The following GRIK1 variants were observed in gnomAD, a reference collection of about 807,000 sequenced individuals.
GRIK1 encodes glutamate ionotropic receptor kainate type subunit 1, also known as glutamate receptor ionotropic, kainate 1.
A neutral mutation model predicts 105.7 loss-of-function variants in GRIK1; 69 were observed. That is an observed-to-expected ratio of 0.65 (90% CI 0.54 to 0.80). GRIK1 has a LOEUF of 0.80. Among genes scored for constraint, GRIK1 ranks in the 30% least tolerant of loss-of-function variants. The pLI is 0.00. For synonymous variants in GRIK1, 438 were observed against 431.3 expected, an observed-to-expected ratio of 1.02 and a Z score of -0.19; for missense variants, 1,109 against 1,167.3, an observed-to-expected ratio of 0.95 and a Z score of 0.73.
At chr21:29,646,200 G>C (rs1041074265) in intron 6 of GRIK1, among the ~76,000 whole-genome samples, 19 of 152,134 alleles carry the variant, frequency 1.2e-4, no homozygotes, top group Admixed American at 1.1e-3. Context: ...CAAAAGGCTG[G>C]TTACTAAGTA....
intron 14 of GRIK1, among the ~76,000 whole-genome samples, chr21:29,565,255 G>T (rs113163921): frequency 6.6e-6 from 1 of 152,156 alleles, no homozygotes; most frequent in Non-Finnish European, 1.5e-5. Context: ...CTCTTTCGTC[G>T]TTTAAAAAGT....
At chr21:29,768,380 G>C (rs1310158591) in intron 1 of GRIK1, among the ~76,000 whole-genome samples, 1 of 152,118 alleles carries the variant, frequency 6.6e-6, no homozygotes, top group Non-Finnish European at 1.5e-5. Context: ...GGGAATTCTG[G>C]GGAGAAATAC....
intron 7 of GRIK1, among the ~76,000 whole-genome samples, chr21:29,599,739 G>A (rs1164400361): frequency 1.3e-5 from 2 of 152,118 alleles, no homozygotes; most frequent in South Asian, 2.1e-4. Context: ...GTGGTGAGCC[G>A]AGATCCTTCC....
intron 8 of GRIK1, chr21:29,596,858 A>C: frequency 4.7e-6 from 2 of 427,736 alleles, no homozygotes; most frequent in South Asian, 2.2e-5. Flanking sequence ...GGTATGCTGC[A>C]GTATTAAGGG....
At chr21:29,776,251 A>G (rs963286204) in intron 1 of GRIK1, among the ~76,000 whole-genome samples, 1 of 152,206 alleles carries the variant, frequency 6.6e-6, no homozygotes, top group Non-Finnish European at 1.5e-5. Context: ...ACACTGCCAA[A>G]CCATATCAAT....
chr21:29,909,040 A>G (rs1375360220), intron 1 of GRIK1, among the ~76,000 whole-genome samples: 2 of 152,132 alleles, frequency 1.3e-5, no homozygotes, highest in African/African-American at 2.4e-5. Flanking sequence ...TTTAAAATAA[A>G]TTTATGTTTT....
chr21:29,867,933 AG>A (rs1338522729), intron 1 of GRIK1, among the ~76,000 whole-genome samples: 15,066 of 133,954 alleles, frequency 0.11, 1,104 homozygotes, highest in East Asian at 0.3. Flanking sequence ...AGAAAGAGAG[AG>A]AAAGAGAGAG....
intron 1 of GRIK1, among the ~76,000 whole-genome samples, chr21:29,852,146 T>G (rs2068327508): frequency 6.6e-6 from 1 of 152,188 alleles, no homozygotes; most frequent in South Asian, 2.1e-4. Flanking sequence ...TCTCTTTTGT[T>G]CTTGAAGGAT....
chr21:29,873,884 G>A (rs1408453091), intron 1 of GRIK1, among the ~76,000 whole-genome samples: 1 of 152,168 alleles, frequency 6.6e-6, no homozygotes, highest in Non-Finnish European at 1.5e-5. Flanking sequence ...TCCACGGATG[G>A]CAGAGGCTTG....
At chr21:29,836,804 G>A (rs406771) in intron 1 of GRIK1, among the ~76,000 whole-genome samples, 59,058 of 152,012 alleles carry the variant, frequency 0.39, 12,554 homozygotes, top group East Asian at 0.7. Flanking sequence ...CATTGATAGT[G>A]TAGAAGTATA....
intron 1 of GRIK1, among the ~76,000 whole-genome samples, chr21:29,888,213 C>G (rs1237376614): frequency 9.2e-6 from 1 of 108,442 alleles, no homozygotes; most frequent in Non-Finnish European, 1.9e-5. Flanking sequence ...CTCTCTCTCT[C>G]TCTCTCTCTC....
chr21:29,837,875 TA>T (rs1366833582), intron 1 of GRIK1, among the ~76,000 whole-genome samples: 4 of 152,242 alleles, frequency 2.6e-5, no homozygotes, highest in Non-Finnish European at 4.4e-5. Flanking sequence ...AAGCCCCCAG[TA>T]TTCTATATTT....
chr21:29,912,152 A>G (rs954938239), intron 1 of GRIK1, among the ~76,000 whole-genome samples: 1 of 152,140 alleles, frequency 6.6e-6, no homozygotes, highest in African/African-American at 2.4e-5. Context: ...GAGCATCGCC[A>G]TCTTGCACAA....
At chr21:29,592,795 T>A (rs1457690562) in intron 9 of GRIK1, among the ~76,000 whole-genome samples, 2 of 152,270 alleles carry the variant, frequency 1.3e-5, no homozygotes, top group African/African-American at 4.8e-5. Flanking sequence ...CCTTACCCTG[T>A]CATGAAGGAA....
intron 1 of GRIK1, among the ~76,000 whole-genome samples, chr21:29,918,132 C>A (rs1452180293): frequency 2.0e-5 from 3 of 151,956 alleles, no homozygotes; most frequent in Admixed American, 1.3e-4. Flanking sequence ...CTCCTAAATT[C>A]TCTCAACTCA....
Position 29,689,860 on chromosome 21 carries a change from G to A in GRIK1, c.412C>T (p.Pro138Ser), listed in dbSNP as rs1421248404. The change falls in exon 3 of 18, where the codon CCC becomes TCC. Residue 138 changes from proline to serine, a missense_variant. Around this residue, in one of 5 missense-constraint regions of GRIK1, gnomAD observed 612 missense variants for 586.0 expected, o/e 1.04. Coordinates refer to ENST00000327783, the MANE Select transcript of GRIK1 (RefSeq NM_001330994.2). ...VPHIQTRWKH[P>S]SVDNKDLFYI... The stretch of plus-strand genomic sequence containing the variant: ...AACAAATCTTTGTTGTCCACCGAGG[G>A]GTGTTTCCAGCGGGTCTGTATGTGT... 6.2e-7 allele frequency: 1 copy of A among 1,613,978 alleles called. No homozygotes were observed. Among genetic ancestry groups the A allele is most frequent in the South Asian group, 1.1e-5 (1 of 91,066 alleles).
At chr21:29,549,866 G>T (rs183380625) in intron 16 of GRIK1, among the ~76,000 whole-genome samples, 4 of 152,038 alleles carry the variant, frequency 2.6e-5, no homozygotes, top group Admixed American at 2.0e-4. Flanking sequence ...CAGCACTTTG[G>T]GGGGCCGAGG....
chr21:29,837,441 A>C (rs192212154), intron 1 of GRIK1, among the ~76,000 whole-genome samples: 1 of 152,196 alleles, frequency 6.6e-6, no homozygotes, highest in African/African-American at 2.4e-5. Context: ...CTCATTGTGA[A>C]TATAATAAAT....
chr21:29,913,294 G>A (rs560061422), intron 1 of GRIK1, among the ~76,000 whole-genome samples: 1 of 152,186 alleles, frequency 6.6e-6, no homozygotes, highest in South Asian at 2.1e-4. Context: ...CTGTCTTGAT[G>A]TACTATTGTG....
Sources: allele counts gnomAD v4.1 joint callset (sites outside exome capture counted in the v4.1 genomes callset), GRCh38; gene constraint gnomAD v4.1.1; regional missense constraint gnomAD v4.1.1; transcripts MANE v1.5; gene names NCBI Gene and HGNC (gene_info 2026-07-23, HGNC 2026-07-21).